Variants in ADAMTS17 observed in about 807,000 individuals in gnomAD.
ADAMTS17 encodes ADAM metallopeptidase with thrombospondin type 1 motif 17.
Under a neutral mutation model 141.5 loss-of-function variants are expected in ADAMTS17, and 113 were observed. The ratio of observed to expected loss-of-function variants is 0.80; its 90% CI spans 0.69 to 0.93. ADAMTS17 has a LOEUF of 0.93. Among genes scored for constraint, ADAMTS17 ranks in the 40% least tolerant of loss-of-function variants. The probability of loss-of-function intolerance (pLI) is 0.00; values close to 1 mark genes in which losing one functional copy is unlikely to be tolerated. For missense variants in ADAMTS17, 1,659 were observed against 1,517.9 expected (o/e 1.09, Z -1.54); for synonymous variants, 768 against 630.6 (o/e 1.22, Z -3.27).
At chr15:100,091,321 G>T (rs920965221) in intron 15 of ADAMTS17, among the ~76,000 whole-genome samples, 1 of 152,146 alleles carries the variant, frequency 6.6e-6, no homozygotes, top group Non-Finnish European at 1.5e-5. Flanking sequence ...AATTTACAAG[G>T]TAGATTCACA....
chr15:100,028,867 T>G (rs1247733002), intron 18 of ADAMTS17, among the ~76,000 whole-genome samples: 4 of 152,250 alleles, frequency 2.6e-5, no homozygotes, highest in Non-Finnish European at 5.9e-5. Context: ...GCAGTGAACC[T>G]GCACTTTGCC....
chr15:100,133,428 T>A, intron 10 of ADAMTS17, 113 bp from the exon 11 acceptor site: 1 of 988,254 alleles, frequency 1.0e-6, no homozygotes, highest in Non-Finnish European at 1.6e-6. Context: ...TCGAAACGTA[T>A]GGGGAAGCCA....
At position 99,973,205 on chromosome 15, in the gene ADAMTS17, A is replaced by C. The variant is rs1791168683; in HGVS notation, c.*1197T>G. ...ATGCATCATCCTTGCCCCACCAAGA[A>C]GATGGGTCAATGATGACAGGCGTGA... On this transcript the variant is annotated 3_prime_UTR_variant, in exon 22 of 22. Coordinates refer to ENST00000268070, the MANE Select transcript of ADAMTS17 (RefSeq NM_139057.4). The C allele has an allele frequency of 6.6e-6, 1 of 152,100 alleles. No individual in the cohort carries two copies. The highest frequency in any genetic ancestry group is 1.5e-5 in the Non-Finnish European group (1 of 68,046). 9.4% of individuals were successfully genotyped at this position (152,100 alleles called of 1,614,324 possible).
chr15:100,173,618 G>A (rs949368707), intron 8 of ADAMTS17, among the ~76,000 whole-genome samples: 6 of 152,200 alleles, frequency 3.9e-5, no homozygotes, highest in Non-Finnish European at 8.8e-5. Context: ...ATAAAAAGTC[G>A]CTTTCTTTAT....
At chr15:100,072,451 C>A (rs992760693) in intron 15 of ADAMTS17, among the ~76,000 whole-genome samples, 1 of 151,004 alleles carries the variant, frequency 6.6e-6, no homozygotes, top group African/African-American at 2.4e-5. Context: ...ATTGCCAAGT[C>A]AATCCTAAGC....
chr15:100,085,650 G>A (rs908336829), intron 15 of ADAMTS17, among the ~76,000 whole-genome samples: 10 of 151,854 alleles, frequency 6.6e-5, no homozygotes, highest in East Asian at 1.9e-4. Flanking sequence ...CTGATCTCTC[G>A]GCAGAAACTC....
chr15:100,239,975 G>A (rs2042779752), intron 7 of ADAMTS17, among the ~76,000 whole-genome samples: 1 of 152,170 alleles, frequency 6.6e-6, no homozygotes. Flanking sequence ...GCTACCAGAT[G>A]TCTGTCTCTC....
chr15:100,103,419 A>G (rs2036237552), intron 14 of ADAMTS17, among the ~76,000 whole-genome samples: 1 of 152,086 alleles, frequency 6.6e-6, no homozygotes, highest in African/African-American at 2.4e-5. Context: ...ATTCTCCTAA[A>G]CTTCCCCAGT....
rs572877805 is a variant in ADAMTS17 at position 99,972,427 on chromosome 15, A to T, written c.*1975T>A. ...GGAGGCCCCGGGGCCCATGCAGGAG[A>T]CCAAGCTAAGGCTTCCTTAGTGAGC... On this transcript the variant is annotated 3_prime_UTR_variant, in exon 22 of 22. Coordinates refer to ENST00000268070, the MANE Select transcript of ADAMTS17 (RefSeq NM_139057.4). 1 of 152,272 alleles carries T rather than the reference A, an allele frequency of 6.6e-6. No homozygotes were observed. The highest frequency in any genetic ancestry group is 1.9e-4 in the East Asian group (1 of 5,170). The allele number at this position is 152,272 out of a possible 1,614,324, so 9.4% of individuals were successfully genotyped here.
chr15:100,147,412 C>T (rs1345075754), intron 10 of ADAMTS17, among the ~76,000 whole-genome samples: 2 of 152,168 alleles, frequency 1.3e-5, no homozygotes, highest in African/African-American at 4.8e-5. Flanking sequence ...ACGGCATAAC[C>T]TACTACACAC....
At chr15:100,064,576 G>A (rs557474023) in intron 15 of ADAMTS17, among the ~76,000 whole-genome samples, 9 of 152,126 alleles carry the variant, frequency 5.9e-5, no homozygotes, top group African/African-American at 1.9e-4. Flanking sequence ...ACCCTATGAC[G>A]AAACTACAGT....
rs771906146 is a variant in ADAMTS17, at chr15:99,976,050, C to CG, written c.3121dup (p.Arg1041ProfsTer98). 5.2e-6 allele frequency: 8 copies of CG among 1,549,988 alleles called. No homozygotes were observed. Among genetic ancestry groups the CG allele is most frequent in the Non-Finnish European group, 7.0e-6 (8 of 1,146,026 alleles). ...GGGCCAGTGAAGACACTCACCAAGGCGGGGGGAGGTGATGGTGTTGGCGTT... is the reference window on the plus strand; with the variant it reads ...GGGCCAGTGAAGACACTCACCAAGGCGGGGGGGAGGTGATGGTGTTGGCGTT... On this transcript the variant is annotated frameshift_variant, in exon 21 of 22. Transcript: ENST00000268070. LOFTEE classifies it high-confidence loss of function.
Position 100,096,635 on chromosome 15 carries a change from A to C in ADAMTS17, c.2017-159T>G, listed in dbSNP as rs535110476. On this transcript the variant is annotated intron_variant, in intron 14 of 21. Transcript: ENST00000268070. ...AAGAAAATATTTTAATTCAGGAGAGAAAAAAGATGCACAGAATCCAACCTA... is the reference window on the plus strand; with the variant it reads ...AAGAAAATATTTTAATTCAGGAGAGCAAAAAGATGCACAGAATCCAACCTA... Among the ~76,000 whole-genome samples the C allele has an allele frequency of 2.0e-5, 3 of 152,362 alleles. No homozygotes were observed. In the East Asian group the frequency reaches 5.8e-4, roughly 29 times the overall value.
rs560915306 is a variant in ADAMTS17, at chr15:100,095,896, C to A, written c.2137+460G>T. ...ACTCCGGAGTCACAGCTGGCAGTGG[C>A]ACCTGAGACCTTCCAGACTGTACGG... On this transcript the variant is annotated intron_variant, in intron 15 of 21. Transcript: ENST00000268070. Among the ~76,000 whole-genome samples, 4 of 152,352 alleles carry A rather than the reference C, an allele frequency of 2.6e-5. No individual in the cohort carries two copies. In the East Asian group the frequency reaches 7.7e-4, roughly 29 times the overall value.
intron 10 of ADAMTS17, among the ~76,000 whole-genome samples, chr15:100,145,650 A>C (rs2038866108): frequency 6.6e-6 from 1 of 152,204 alleles, no homozygotes; most frequent in African/African-American, 2.4e-5. Context: ...CCCTAATGTA[A>C]TGAGAATTGT....
chr15:100,133,940 C>G (rs754891454), intron 10 of ADAMTS17, among the ~76,000 whole-genome samples: 3 of 152,234 alleles, frequency 2.0e-5, no homozygotes, highest in Non-Finnish European at 4.4e-5. Context: ...TCCAGAACAT[C>G]TACAAATACA....
intron 2 of ADAMTS17, among the ~76,000 whole-genome samples, chr15:100,339,644 TCCACATTCCCCGCC>T (rs1567556238): frequency 7.1e-5 from 6 of 84,768 alleles, no homozygotes; most frequent in Non-Finnish European, 1.5e-4. Context: ...CCGCCCCAGG[TCCACATTCCCCGCC>T]CCAGGTCCAC....
chr15:100,319,342 C>G (rs1406140376), intron 3 of ADAMTS17, among the ~76,000 whole-genome samples: 3 of 152,208 alleles, frequency 2.0e-5, no homozygotes, highest in Non-Finnish European at 4.4e-5. Flanking sequence ...AGGGAGAACA[C>G]ATCAGCAGAA....
chr15:100,227,993 G>A (rs1253129487), intron 7 of ADAMTS17, among the ~76,000 whole-genome samples: 1 of 152,152 alleles, frequency 6.6e-6, no homozygotes, highest in Non-Finnish European at 1.5e-5. Context: ...GCTCTTTGAT[G>A]ATGAATCCCG....
Sources: allele counts gnomAD v4.1 joint callset (sites outside exome capture counted in the v4.1 genomes callset), GRCh38; gene constraint gnomAD v4.1.1; transcripts MANE v1.5; gene names NCBI Gene and HGNC (gene_info 2026-07-23, HGNC 2026-07-21).